SLIT1: variants seen among roughly 807,000 people sequenced by gnomAD.
SLIT1 encodes slit homolog 1 protein.
A neutral mutation model predicts 186.1 loss-of-function variants in SLIT1; 66 were observed. The observed-to-expected ratio is 0.35, with a 90% CI of 0.29 to 0.44. The LOEUF (loss-of-function observed/expected upper bound fraction) is 0.44, where lower values mean the gene tolerates loss of function less well. SLIT1 is among the 20% of genes least tolerant of loss of function. SLIT1 has a pLI of 1.00. For synonymous variants in SLIT1, 761 were observed against 833.8 expected (o/e 0.91, Z 1.50); for missense variants, 1,638 against 2,037.4 (o/e 0.80, Z 3.77).
At chr10:97,031,897 G>A (rs902381670) in intron 23 of SLIT1, among the ~76,000 whole-genome samples, 1 of 152,236 alleles carries the variant, frequency 6.6e-6, no homozygotes, top group Non-Finnish European at 1.5e-5. Flanking sequence ...CAGTTCCCCC[G>A]ACTGTAAAAT....
chr10:97,163,518 C>A, intron 2 of SLIT1, 67 bp from the exon 3 acceptor site: 1 of 1,427,294 alleles, frequency 7.0e-7, no homozygotes, highest in South Asian at 1.2e-5. Flanking sequence ...ACAGCTGGCA[C>A]AACGGCGGGG....
Position 97,013,811 on chromosome 10 carries a change from C to T in SLIT1, c.3133G>A (p.Asp1045Asn). 1 of 1,551,686 alleles carries T rather than the reference C, an allele frequency of 6.4e-7. No individual in the cohort carries two copies. The highest frequency in any genetic ancestry group is 8.7e-7 in the Non-Finnish European group (1 of 1,147,000). The change falls in exon 30 of 37, where the codon GAC becomes AAC. Residue 1045 changes from aspartate to asparagine, a missense_variant. Physicochemically the swap from Asp to Asn is conservative, Grantham distance 23 (BLOSUM62 1). Transcript: ENST00000266058. Reference sequence around the variant, plus strand: ...GGGTTCAGATCCGGAGAGCACAAGTCCACCAGCTGCTCACAGGCCTTTCCT... The same window carrying T: ...GGGTTCAGATCCGGAGAGCACAAGTTCACCAGCTGCTCACAGGCCTTTCCT... ...YEGKACEQLV[D>N]LCSPDLNPCQ...
rs374241577 is a variant in SLIT1, at chr10:97,019,243, C to T, written c.2747-136G>A. 37 of 635,370 alleles carry T rather than the reference C, an allele frequency of 5.8e-5. 2 individuals carry two copies. The South Asian group carries it at 7.2e-4, about 12-fold the overall frequency. 39.4% of individuals were successfully genotyped at this position (635,370 alleles called of 1,614,324 possible). On this transcript the variant is annotated intron_variant, in intron 26 of 36. Transcript: ENST00000266058. The stretch of plus-strand genomic sequence containing the variant: ...GATTTTTCCCCAGATCGTGCTCACA[C>T]TCCCCTTGCACTGCCCACCTTTCCA...
chr10:97,163,475 C>A (rs914177363), intron 2 of SLIT1, 24 bp from the exon 3 acceptor site: 1 of 1,609,376 alleles, frequency 6.2e-7, no homozygotes, highest in Non-Finnish European at 8.5e-7. Context: ...GAGACAAGGA[C>A]AGCTACAGGG....
intron 22 of SLIT1, 140 bp from the exon 23 acceptor site, chr10:97,034,682 A>G: frequency 1.4e-6 from 1 of 706,482 alleles, no homozygotes; most frequent in East Asian, 2.7e-5. Context: ...GCCCTGGTGC[A>G]CAGCCTCGGG....
intron 4 of SLIT1, among the ~76,000 whole-genome samples, chr10:97,097,930 C>T (rs767176255): frequency 1.3e-5 from 2 of 152,186 alleles, no homozygotes; most frequent in African/African-American, 4.8e-5. Flanking sequence ...CTTTCACTTC[C>T]ACACGTACAT....
At position 97,010,086 on chromosome 10, in the gene SLIT1, T is replaced by C. The variant is rs1848397888; in HGVS notation, c.3341+907A>G. Among the ~76,000 whole-genome samples, 1 of 152,206 alleles carries C rather than the reference T, an allele frequency of 6.6e-6. No individual in the cohort carries two copies. Among genetic ancestry groups the C allele is most frequent in the Admixed American group, 6.5e-5 (1 of 15,284 alleles). On this transcript the variant is annotated intron_variant, in intron 31 of 36. Coordinates refer to ENST00000266058, the MANE Select transcript of SLIT1 (RefSeq NM_003061.3). The surrounding 1 kb of genome is among the most constrained non-coding windows in gnomAD (Gnocchi z 4.8). The stretch of plus-strand genomic sequence containing the variant: ...TACCCAAGAGACTGAAAAATGTATG[T>C]CTACACAAAAACCTGTACAAAAATG...
intron 4 of SLIT1, among the ~76,000 whole-genome samples, chr10:97,128,629 A>G (rs1176632509): frequency 6.6e-6 from 1 of 152,218 alleles, no homozygotes; most frequent in Non-Finnish European, 1.5e-5. Context: ...AAAGAAAGGC[A>G]TGCCTGGAGC....
chr10:97,005,971 A>C (rs377070333), intron 32 of SLIT1, among the ~76,000 whole-genome samples: 2 of 152,258 alleles, frequency 1.3e-5, no homozygotes. Flanking sequence ...AGAAGTGTTT[A>C]GCAAAATATT....
At position 97,000,894 on chromosome 10, in the gene SLIT1, C is replaced by T. The variant is rs1249093531; in HGVS notation, c.*218G>A. On this transcript the variant is annotated 3_prime_UTR_variant, in exon 37 of 37. Transcript: ENST00000266058. ...TTGTGCAAGGCACTTCCGGAGAGGG[C>T]AGCCCGCAGCTCAGGCCTCGCCCAC... The T allele has an allele frequency of 6.9e-6, 4 of 583,448 alleles. No homozygotes were observed. The highest frequency in any genetic ancestry group is 2.8e-5 in the East Asian group (1 of 35,674). 36.1% of individuals were successfully genotyped at this position (583,448 alleles called of 1,614,324 possible).
chr10:97,173,626 G>A (rs755912706), intron 1 of SLIT1, among the ~76,000 whole-genome samples: 7 of 151,592 alleles, frequency 4.6e-5, no homozygotes, highest in Non-Finnish European at 7.4e-5. Flanking sequence ...TCTGAGCAAA[G>A]CCAGCGTTGG....
intron 4 of SLIT1, among the ~76,000 whole-genome samples, chr10:97,107,476 AC>A (rs1232318982): frequency 6.6e-6 from 1 of 151,924 alleles, no homozygotes; most frequent in Non-Finnish European, 1.5e-5. Context: ...ATCACACGAG[AC>A]CCCAGAGCTC....
chr10:97,044,764 C>T (rs1484554399), intron 18 of SLIT1, among the ~76,000 whole-genome samples: 1 of 152,092 alleles, frequency 6.6e-6, no homozygotes, highest in Non-Finnish European at 1.5e-5. Context: ...TGTTTTCACC[C>T]GACTACTCCA....
chr10:97,134,153 C>T (rs1849680036), intron 4 of SLIT1, among the ~76,000 whole-genome samples: 1 of 152,098 alleles, frequency 6.6e-6, no homozygotes, highest in Non-Finnish European at 1.5e-5. Flanking sequence ...ACTTCCTCTC[C>T]CCAAAGAGGT....
intron 20 of SLIT1, among the ~76,000 whole-genome samples, chr10:97,041,912 T>C (rs937584201): frequency 6.6e-6 from 1 of 152,176 alleles, no homozygotes; most frequent in Non-Finnish European, 1.5e-5. Flanking sequence ...GGATAGTTAA[T>C]GGCATGAGAA....
intron 1 of SLIT1, among the ~76,000 whole-genome samples, chr10:97,166,190 A>G (rs1850102599): frequency 1.3e-5 from 2 of 152,014 alleles, no homozygotes; most frequent in South Asian, 4.2e-4. Flanking sequence ...TACTTTGAGA[A>G]ATAAAGTCCC....
intron 4 of SLIT1, among the ~76,000 whole-genome samples, chr10:97,149,283 G>T (rs113260206): frequency 6.6e-6 from 1 of 152,212 alleles, no homozygotes; most frequent in Non-Finnish European, 1.5e-5. Context: ...TGGGACGCTC[G>T]CCTCTTTCAC....
intron 4 of SLIT1, among the ~76,000 whole-genome samples, chr10:97,120,811 T>A (rs1849554133): frequency 6.6e-6 from 1 of 152,108 alleles, no homozygotes; most frequent in South Asian, 2.1e-4. Flanking sequence ...AAGGCCCCTA[T>A]CACCCACTGG....
rs1302598724 is a variant in SLIT1, at chr10:97,059,125, C to T, written c.1085+335G>A. Among the ~76,000 whole-genome samples the T allele has an allele frequency of 3.9e-5, 6 of 152,200 alleles. 1 individual carries two copies. Among genetic ancestry groups the T allele is most frequent in the East Asian group, 1.9e-4 (1 of 5,204 alleles). ...GGAGCACAGCATGCTGGGCTTCGGGCGGGGGACGGGGCCAAGATGGTTGTG... is the reference window on the plus strand; with the variant it reads ...GGAGCACAGCATGCTGGGCTTCGGGTGGGGGACGGGGCCAAGATGGTTGTG... On this transcript the variant is annotated intron_variant, in intron 11 of 36. Coordinates refer to ENST00000266058, the MANE Select transcript of SLIT1 (RefSeq NM_003061.3).
Sources: allele counts gnomAD v4.1 joint callset (sites outside exome capture counted in the v4.1 genomes callset), GRCh38; gene constraint gnomAD v4.1.1; non-coding constraint Gnocchi (gnomAD v3.1); transcripts MANE v1.5; gene names NCBI Gene and HGNC (gene_info 2026-07-23, HGNC 2026-07-21).